UVSSA: variants seen among roughly 807,000 people sequenced by gnomAD.
UVSSA encodes UV stimulated scaffold protein A, also known as UV-stimulated scaffold protein A.
In UVSSA, 72 loss-of-function variants were observed where a neutral mutation model predicts 73.9. The observed-to-expected ratio is 0.97, with a 90% confidence interval of 0.81 to 1.19. The LOEUF is 1.19. Among genes scored for constraint, UVSSA ranks in the 50% most tolerant of loss-of-function variants. UVSSA has a pLI of 0.00. For synonymous variants in UVSSA, 454 were observed against 391.3 expected (o/e 1.16, Z -1.89); for missense variants, 1,150 against 965.0 (o/e 1.19, Z -2.54).
At chr4:1,395,597 G>A (rs374867542) in exon 14 of UVSSA, 278 of 1,588,322 alleles carry the variant, frequency 1.8e-4, no homozygotes, top group South Asian at 2.1e-4. Flanking sequence ...TGGAGTGCCC[G>A]CCTGCTCACA....
chr4:1,393,181 A>G (rs955129822), exon 14 of UVSSA: 1 of 152,192 alleles, frequency 6.6e-6, no homozygotes, highest in Non-Finnish European at 1.5e-5. Context: ...TCAAGGTCAC[A>G]GATGCTTTTG....
At chr4:1,375,241 C>G (rs1306648822) in intron 8 of UVSSA, 123 bp from the exon 9 acceptor site, 29 of 1,494,034 alleles carry the variant, frequency 1.9e-5, no homozygotes, top group Middle Eastern at 4.4e-4. Context: ...CAGGCACCCA[C>G]CTCGGGACTG....
At chr4:1,349,098 G>GTACGGTT (rs1560416645) in intron 2 of UVSSA, among the ~76,000 whole-genome samples, 2 of 152,210 alleles carry the variant, frequency 1.3e-5, no homozygotes, top group Non-Finnish European at 1.5e-5. Flanking sequence ...GCCGGGCGGT[G>GTACGGTT]TGTGTTGCGC....
chr4:1,376,421 A>G (rs1406016300), intron 10 of UVSSA, among the ~76,000 whole-genome samples: 2 of 152,070 alleles, frequency 1.3e-5, no homozygotes, highest in Middle Eastern at 3.2e-3. Context: ...CTTGGGTGTT[A>G]TGAATCTTGT....
At chr4:1,354,927 G>A (rs901451283) in intron 6 of UVSSA, 80 bp downstream of exon 6, 1 of 1,533,818 alleles carries the variant, frequency 6.5e-7, no homozygotes, top group South Asian at 1.2e-5. Flanking sequence ...TTCTTGGGGG[G>A]ACTGTGGCCC....
At chr4:1,354,873 G>T in intron 6 of UVSSA, 26 bp downstream of exon 6, 2 of 1,585,154 alleles carry the variant, frequency 1.3e-6, no homozygotes, top group Non-Finnish European at 8.6e-7. Context: ...GGGACCTGTG[G>T]GTGGAGGGAC....
intron 3 of UVSSA, among the ~76,000 whole-genome samples, chr4:1,350,209 G>A (rs1008697059): frequency 8.5e-5 from 13 of 152,136 alleles, no homozygotes; most frequent in African/African-American, 2.9e-4. Flanking sequence ...CTGGACTCTG[G>A]GACCTGTCCC....
chr4:1,371,489 A>C (rs886237175), intron 8 of UVSSA, among the ~76,000 whole-genome samples: 1 of 152,032 alleles, frequency 6.6e-6, no homozygotes, highest in Non-Finnish European at 1.5e-5. Context: ...CTTCTTGCAT[A>C]GTGTATTACT....
intron 8 of UVSSA, among the ~76,000 whole-genome samples, chr4:1,368,602 T>TA (rs1337597219): frequency 6.6e-6 from 1 of 152,226 alleles, no homozygotes; most frequent in East Asian, 1.9e-4. Context: ...TCGCAGCCCC[T>TA]GCCGGGTGTG....
At chr4:1,393,421 G>C (rs1577395700) in exon 14 of UVSSA, 1 of 152,182 alleles carries the variant, frequency 6.6e-6, no homozygotes, top group African/African-American at 2.4e-5. Context: ...CGGGCGTGGT[G>C]GTGTGCACCT....
In UVSSA at chr4:1,353,341, G is replaced by T. The variant is rs141268114; in HGVS notation, c.862G>T (p.Asp288Tyr). ...GDPSDEDEDS[D>Y]LEEFVRSHGL... is the part of the protein sequence containing the mutation. ...CCCCTCAGATGAGGACGAGGACAGC[G>T]ACCTCGAGGAGTTTGTGCGGAGCCA... The change falls in exon 5 of 14, where the codon GAC (aspartate) becomes TAC (tyrosine). Residue 288 changes from aspartate to tyrosine, a missense_variant. Transcript: ENST00000389851. The T allele has an allele frequency of 6.2e-7, 1 of 1,610,862 alleles. No individual in the cohort carries two copies. Among genetic ancestry groups the T allele is most frequent in the Admixed American group, 1.7e-5 (1 of 59,768 alleles).
At chr4:1,373,100 T>C (rs190138392) in intron 8 of UVSSA, among the ~76,000 whole-genome samples, 1 of 152,368 alleles carries the variant, frequency 6.6e-6, no homozygotes, top group Admixed American at 6.5e-5. Context: ...CTTGAACTTC[T>C]CCTTCGGCAC....
At chr4:1,379,120 GGTGT>G (rs964020432) in intron 10 of UVSSA, among the ~76,000 whole-genome samples, 1 of 152,222 alleles carries the variant, frequency 6.6e-6, no homozygotes, top group African/African-American at 2.4e-5. Context: ...TCAGGCACAG[GGTGT>G]GGGAGCCCGG....
intron 8 of UVSSA, among the ~76,000 whole-genome samples, chr4:1,369,377 G>A (rs527266080): frequency 6.6e-6 from 1 of 152,348 alleles, no homozygotes; most frequent in Admixed American, 6.5e-5. Flanking sequence ...TGCCGGAGGC[G>A]GGGACCAGGC....
intron 5 of UVSSA, 100 bp from the exon 6 acceptor site, chr4:1,354,635 C>T (rs1261195787): frequency 9.5e-7 from 1 of 1,052,052 alleles, no homozygotes. Context: ...GGCAGGTTCC[C>T]CTCAGGCTAG....
chr4:1,344,590 G>C (rs1207799372), upstream of UVSSA, among the ~76,000 whole-genome samples: 1 of 152,174 alleles, frequency 6.6e-6, no homozygotes, highest in Non-Finnish European at 1.5e-5. Flanking sequence ...CTCTCATCAT[G>C]ATTTATCTTG....
intron 8 of UVSSA, among the ~76,000 whole-genome samples, chr4:1,367,759 C>T (rs951618534): frequency 3.9e-5 from 6 of 152,168 alleles, no homozygotes; most frequent in African/African-American, 9.7e-5. Context: ...GGGACCTGCA[C>T]GCCTCTCCCC....
chr4:1,379,978 T>A (rs994746416), intron 10 of UVSSA, 69 bp from the exon 11 acceptor site: 32 of 1,510,034 alleles, frequency 2.1e-5, no homozygotes, highest in Admixed American at 6.1e-5. Flanking sequence ...CCCCTGTGCC[T>A]GCACCACCGT....
In UVSSA at chr4:1,380,029, C is replaced by G. The variant is rs771285215; in HGVS notation, c.1569-18C>G. The G allele has an allele frequency of 6.3e-7, 1 of 1,585,400 alleles. No homozygotes were observed. The highest frequency in any genetic ancestry group is 1.8e-5 in the Admixed American group (1 of 55,964). ...GGGTCCCTGCAGATGCTATGAGGGC[C>G]TCTGGCTGTGTCTGCAGGTCTGACT... is the stretch of plus-strand genomic sequence containing the variant. On this transcript the variant is annotated intron_variant, in intron 10 of 13. Coordinates refer to ENST00000389851, the MANE Select transcript of UVSSA (RefSeq NM_020894.4).
Sources: allele counts gnomAD v4.1 joint callset (sites outside exome capture counted in the v4.1 genomes callset), GRCh38; gene constraint gnomAD v4.1.1; transcripts MANE v1.5; gene names NCBI Gene and HGNC (gene_info 2026-07-23, HGNC 2026-07-21).